The following NOS1AP variants were observed in gnomAD, a reference collection of about 807,000 sequenced individuals.
The protein encoded by NOS1AP is carboxyl-terminal PDZ ligand of neuronal nitric oxide synthase protein.
In NOS1AP, 21 loss-of-function variants were observed where a neutral mutation model predicts 56.2. The ratio of observed to expected loss-of-function variants is 0.37; its 90% CI spans 0.26 to 0.54. The LOEUF is 0.54. NOS1AP is among the 20% of genes least tolerant of loss of function. The pLI, the probability that NOS1AP is intolerant of heterozygous loss-of-function variation, is 0.84. For synonymous variants in NOS1AP, 270 were observed against 274.6 expected, an observed-to-expected ratio of 0.98 and a Z score of 0.17; for missense variants, 522 against 657.8, an observed-to-expected ratio of 0.79 and a Z score of 2.26.
At chr1:162,243,201 G>C (rs11582778) in intron 2 of NOS1AP, among the ~76,000 whole-genome samples, 1 of 151,900 alleles carries the variant, frequency 6.6e-6, no homozygotes, top group Non-Finnish European at 1.5e-5. Context: ...TAGCCGAGAG[G>C]GGACAAGGGG....
In NOS1AP at chr1:162,365,583, C is replaced by G; in HGVS notation, c.1105+14C>G. 6.2e-7 allele frequency: 1 copy of G among 1,607,174 alleles called. No individual in the cohort carries two copies. Among genetic ancestry groups the G allele is most frequent in the Non-Finnish European group, 8.5e-7 (1 of 1,179,978 alleles). On this transcript the variant is annotated intron_variant, in intron 9 of 9. Transcript: ENST00000361897. ...GACAGAACGCCAGTAAGCCAGTGCCCTGCCCAGCCCTGCTTCCTCTGTGAA... is the reference window on the plus strand; with the variant it reads ...GACAGAACGCCAGTAAGCCAGTGCCGTGCCCAGCCCTGCTTCCTCTGTGAA...
At chr1:162,270,682 G>A (rs1332591180) in intron 2 of NOS1AP, among the ~76,000 whole-genome samples, 3 of 152,216 alleles carry the variant, frequency 2.0e-5, no homozygotes, top group African/African-American at 7.2e-5. Flanking sequence ...GATAGACAGT[G>A]AATAAGCCAC....
At chr1:162,233,593 A>G (rs1297060920) in intron 2 of NOS1AP, among the ~76,000 whole-genome samples, 2 of 152,174 alleles carry the variant, frequency 1.3e-5, no homozygotes, top group Non-Finnish European at 2.9e-5. Flanking sequence ...CCTATACCCA[A>G]TAGCAGTCAC....
chr1:162,177,494 C>A (rs887761496), intron 2 of NOS1AP, among the ~76,000 whole-genome samples: 1 of 152,244 alleles, frequency 6.6e-6, no homozygotes, highest in Admixed American at 6.5e-5. Flanking sequence ...TGAAGGGAAC[C>A]AGCCATGGGT....
chr1:162,166,458 C>T (rs1011882724), intron 2 of NOS1AP, among the ~76,000 whole-genome samples: 1 of 152,226 alleles, frequency 6.6e-6, no homozygotes, highest in African/African-American at 2.4e-5. Context: ...GCACTCCCTT[C>T]CCATTGCGGC....
chr1:162,308,051 G>T (rs1024786448), intron 4 of NOS1AP, among the ~76,000 whole-genome samples: 4 of 152,156 alleles, frequency 2.6e-5, no homozygotes, highest in Admixed American at 2.0e-4. Flanking sequence ...TTAAACAGAA[G>T]AAATTTATTA....
At chr1:162,335,781 G>A (rs747245166) in intron 5 of NOS1AP, among the ~76,000 whole-genome samples, 28 of 152,154 alleles carry the variant, frequency 1.8e-4, no homozygotes, top group African/African-American at 6.3e-4. Flanking sequence ...TGTCCCCTGC[G>A]TATATGCTCA....
chr1:162,149,875 T>TG (rs1302668321), intron 1 of NOS1AP, among the ~76,000 whole-genome samples: 1 of 152,208 alleles, frequency 6.6e-6, no homozygotes, highest in Non-Finnish European at 1.5e-5. Flanking sequence ...TATAGGTTTA[T>TG]GGGGGCACAT....
intron 1 of NOS1AP, among the ~76,000 whole-genome samples, chr1:162,081,395 G>T (rs952025974): frequency 6.6e-6 from 1 of 152,078 alleles, no homozygotes; most frequent in African/African-American, 2.4e-5. Flanking sequence ...GTGAGTAGGT[G>T]GAAATGCTGG....
chr1:162,359,474 G>A (rs1040288298), intron 8 of NOS1AP, among the ~76,000 whole-genome samples: 3 of 151,704 alleles, frequency 2.0e-5, no homozygotes, highest in Non-Finnish European at 2.9e-5. Context: ...CATTTCAGCT[G>A]GCTTTCAGCT....
chr1:162,213,073 T>G (rs146133612), intron 2 of NOS1AP, among the ~76,000 whole-genome samples: 18 of 152,288 alleles, frequency 1.2e-4, no homozygotes, highest in African/African-American at 4.1e-4. Context: ...AGGGTGTCTC[T>G]AGGGGATCAG....
chr1:162,349,136 G>T (rs539614311), intron 6 of NOS1AP, among the ~76,000 whole-genome samples: 1 of 151,534 alleles, frequency 6.6e-6, no homozygotes, highest in East Asian at 1.9e-4. Context: ...GTGGTGAGCC[G>T]AGATCGCACC....
intron 4 of NOS1AP, among the ~76,000 whole-genome samples, chr1:162,305,039 T>C (rs972486859): frequency 6.6e-6 from 1 of 152,178 alleles, no homozygotes; most frequent in Non-Finnish European, 1.5e-5. Context: ...GACGAATGAA[T>C]TTTTAATTTT....
At chr1:162,359,163 G>A (rs1305899340) in intron 8 of NOS1AP, among the ~76,000 whole-genome samples, 1 of 152,120 alleles carries the variant, frequency 6.6e-6, no homozygotes, top group Non-Finnish European at 1.5e-5. Flanking sequence ...ATGTCCACAG[G>A]CTGAGCACCC....
intron 2 of NOS1AP, among the ~76,000 whole-genome samples, chr1:162,173,194 G>A (rs187930260): frequency 5.1e-4 from 77 of 152,266 alleles, no homozygotes; most frequent in Non-Finnish European, 7.9e-4. Flanking sequence ...ATTTTTGACG[G>A]GGTTTCACCA....
At chr1:162,183,731 G>A (rs896587629) in intron 2 of NOS1AP, among the ~76,000 whole-genome samples, 1 of 152,176 alleles carries the variant, frequency 6.6e-6, no homozygotes, top group African/African-American at 2.4e-5. Flanking sequence ...CTGCAGCTTC[G>A]TTCCCTCTCT....
At chr1:162,357,323 T>A (rs940487392) in intron 8 of NOS1AP, 187 bp downstream of exon 8, 1 of 1,144,554 alleles carries the variant, frequency 8.7e-7, no homozygotes, top group African/African-American at 1.5e-5. Context: ...GCAGTTGAAA[T>A]GGAGAGGCAC....
At chr1:162,180,182 C>T (rs1651202109) in intron 2 of NOS1AP, among the ~76,000 whole-genome samples, 1 of 152,166 alleles carries the variant, frequency 6.6e-6, no homozygotes, top group African/African-American at 2.4e-5. Context: ...CCGGTGACCT[C>T]CAATGTGCCA....
intron 3 of NOS1AP, among the ~76,000 whole-genome samples, chr1:162,287,714 A>G (rs999056373): frequency 2.0e-5 from 3 of 150,278 alleles, no homozygotes; most frequent in African/African-American, 4.9e-5. Context: ...CCATTTTCAT[A>G]CCTTTATCTT....
Sources: gnomAD v4.1 joint callset for allele counts (sites outside exome capture counted in the v4.1 genomes callset) on GRCh38, gnomAD v4.1.1 for gene constraint, MANE v1.5 for transcripts, NCBI Gene and HGNC (gene_info 2026-07-23, HGNC 2026-07-21) for gene names.